MTBP: variants seen among roughly 807,000 people sequenced by gnomAD.
MTBP encodes the protein mdm2-binding protein.
Under a neutral mutation model 117.0 loss-of-function variants are expected in MTBP, and 101 were observed. That is an observed-to-expected ratio of 0.86 (90% confidence interval 0.73 to 1.02). The LOEUF is 1.02. MTBP is among the 50% of genes least tolerant of loss of function. The pLI, the probability that MTBP is intolerant of heterozygous loss-of-function variation, is 0.00. For synonymous variants in MTBP, 350 were observed against 351.5 expected, an observed-to-expected ratio of 1.00 and a Z score of 0.05; for missense variants, 970 against 1,030.9, an observed-to-expected ratio of 0.94 and a Z score of 0.81.
At position 120,470,857 on chromosome 8, in the gene MTBP, AC is replaced by A; in HGVS notation, c.1086del (p.Asn362LysfsTer3). 1 of 1,612,218 alleles carries A rather than the reference AC, an allele frequency of 6.2e-7. No homozygotes were observed. On this transcript the variant is annotated frameshift_variant, in exon 11 of 22. Coordinates refer to ENST00000305949, the MANE Select transcript of MTBP (RefSeq NM_022045.5). LOFTEE classifies it high-confidence loss of function. ...TTTGTATTGCCATGTACCATTAGTA[AC>A]ATACTGATTCCACCTCCCAACCAAC... ...ALFVLPCTIS[N>X]ILIPPPNQLS...
intron 11 of MTBP, chr8:120,473,567 C>A (rs1296136743): frequency 6.6e-6 from 1 of 152,080 alleles, no homozygotes; most frequent in Non-Finnish European, 1.5e-5. Context: ...ACTGTGAAGG[C>A]AAAATGGAAG....
In MTBP at chr8:120,506,762, G is replaced by T. The variant is rs141739990; in HGVS notation, c.1784G>T (p.Arg595Leu). The T allele has an allele frequency of 6.2e-7, 1 of 1,613,136 alleles. No homozygotes were observed. The highest frequency in any genetic ancestry group is 8.5e-7 in the Non-Finnish European group (1 of 1,179,532). Residue 595 changes from arginine to leucine, a missense_variant, in exon 16 of 22, where the codon CGG becomes CTG. Arg to Leu is a moderately radical substitution (Grantham distance 102). Transcript: ENST00000305949. ...TTGCTGGGCCACAAAGAGGGTCCTC[G>T]GGACTCAATCACATTGTTGGATGCT... ...EQLLGHKEGP[R>L]DSITLLDAKE...
At chr8:120,460,895 G>C (rs995173805) in intron 8 of MTBP, among the ~76,000 whole-genome samples, 5 of 152,042 alleles carry the variant, frequency 3.3e-5, no homozygotes, top group Admixed American at 2.6e-4. Flanking sequence ...CTTGTCCTCT[G>C]TTGCTTACCT....
intron 17 of MTBP, among the ~76,000 whole-genome samples, chr8:120,511,881 A>T (rs1473603066): frequency 6.6e-6 from 1 of 152,046 alleles, no homozygotes; most frequent in Non-Finnish European, 1.5e-5. Context: ...AAATACCCTT[A>T]TGTCAATATT....
Position 120,483,256 on chromosome 8 carries a change from A to G in MTBP, c.1166-4903A>G, listed in dbSNP as rs1814133461. Among the ~76,000 whole-genome samples the G allele has an allele frequency of 2.0e-5, 3 of 151,982 alleles. No homozygotes were observed. In the South Asian group the frequency reaches 6.2e-4, roughly 32 times the overall value. On this transcript the variant is annotated intron_variant, in intron 11 of 21. Coordinates refer to ENST00000305949, the MANE Select transcript of MTBP (RefSeq NM_022045.5). Reference sequence around the variant, plus strand: ...GGGCTGTTTCAAAAGTTGAGTCTAGAATTAAACAGTGATCTCATTGTTGAA... The same window carrying G: ...GGGCTGTTTCAAAAGTTGAGTCTAGGATTAAACAGTGATCTCATTGTTGAA...
At chr8:120,453,545 T>C (rs969690910) in intron 4 of MTBP, among the ~76,000 whole-genome samples, 8 of 152,180 alleles carry the variant, frequency 5.3e-5, no homozygotes, top group African/African-American at 1.9e-4. Context: ...CTAGTTATAA[T>C]TTAGGGAGTT....
At chr8:120,476,295 T>C (rs889397184) in intron 11 of MTBP, among the ~76,000 whole-genome samples, 1 of 152,086 alleles carries the variant, frequency 6.6e-6, no homozygotes, top group Non-Finnish European at 1.5e-5. Flanking sequence ...CCGTAGCCAA[T>C]ATCATACTGA....
intron 11 of MTBP, among the ~76,000 whole-genome samples, chr8:120,487,933 T>A (rs1814252916): frequency 6.6e-6 from 1 of 152,232 alleles, no homozygotes; most frequent in Admixed American, 6.5e-5. Flanking sequence ...AAAGAATGAG[T>A]ACACATACTT....
chr8:120,490,692 A>G, intron 13 of MTBP, 122 bp downstream of exon 13: 1 of 597,668 alleles, frequency 1.7e-6, no homozygotes. Flanking sequence ...ACTTAATTAT[A>G]GAACTATTTT....
At chr8:120,481,067 A>G (rs186730596) in intron 11 of MTBP, among the ~76,000 whole-genome samples, 14 of 152,342 alleles carry the variant, frequency 9.2e-5, no homozygotes, top group African/African-American at 2.9e-4. Context: ...AATAACTAGT[A>G]AACTCCACGA....
At chr8:120,478,487 T>G (rs1404674621) in intron 11 of MTBP, among the ~76,000 whole-genome samples, 3 of 152,226 alleles carry the variant, frequency 2.0e-5, no homozygotes, top group Non-Finnish European at 4.4e-5. Flanking sequence ...TAATAGTATC[T>G]GACAATTTTA....
chr8:120,478,636 A>G (rs1814000248), intron 11 of MTBP, among the ~76,000 whole-genome samples: 1 of 152,218 alleles, frequency 6.6e-6, no homozygotes. Flanking sequence ...TTGACTAACA[A>G]TTCTTCTAAT....
intron 6 of MTBP, 101 bp downstream of exon 6, chr8:120,455,680 T>C: frequency 8.7e-7 from 1 of 1,143,076 alleles, no homozygotes; most frequent in Admixed American, 2.2e-5. Context: ...ATTATTTTAA[T>C]ATGACAACAT....
chr8:120,478,122 A>G (rs1348434444), intron 11 of MTBP, among the ~76,000 whole-genome samples: 1 of 152,200 alleles, frequency 6.6e-6, no homozygotes, highest in Non-Finnish European at 1.5e-5. Context: ...ATGAAGCTGG[A>G]AACCGTCATT....
At chr8:120,486,827 T>G (rs1814229825) in intron 11 of MTBP, among the ~76,000 whole-genome samples, 1 of 152,192 alleles carries the variant, frequency 6.6e-6, no homozygotes, top group South Asian at 2.1e-4. Context: ...ACTCAATGGA[T>G]AGAAGCTCCA....
chr8:120,467,532 G>C (rs543177024), intron 10 of MTBP, among the ~76,000 whole-genome samples: 6 of 152,298 alleles, frequency 3.9e-5, no homozygotes, highest in African/African-American at 1.4e-4. Flanking sequence ...CTTGAACCAG[G>C]GAGGCAGAGG....
chr8:120,461,161 G>GT lies in MTBP; in HGVS notation c.887dup (p.His297ProfsTer27), dbSNP rs1327362438. On this transcript the variant is annotated frameshift_variant and splice_region_variant, in exon 9 of 22. Transcript: ENST00000305949. LOFTEE classifies it high-confidence loss of function. ...TACACAATTTTAATTTCTTTTCTAG[G>GT]TTTTCCATTATTATGGCCCTGCTTT... 2 of 1,565,678 alleles carry GT rather than the reference G, an allele frequency of 1.3e-6. No individual in the cohort carries two copies. Among genetic ancestry groups the GT allele is most frequent in the Non-Finnish European group, 1.8e-6 (2 of 1,139,278 alleles).
chr8:120,518,711 A>G lies in MTBP; in HGVS notation c.2504A>G (p.Lys835Arg), dbSNP rs1814964138. Residue 835 changes from lysine (K) to arginine (R), a missense_variant, in exon 20 of 22, where the codon AAA becomes AGA. Lys to Arg is a conservative substitution (Grantham distance 26). Transcript: ENST00000305949. ...SRSQKHTRIL[K>R]EVVTETLKKH... ...TGTTATGTTCTGTTCAAGATACTGA[A>G]AGAAGTAGTTACTGAAACCCTGAAG... is the stretch of plus-strand genomic sequence containing the variant. The G allele has an allele frequency of 1.2e-6, 2 of 1,602,780 alleles. No individual in the cohort carries two copies. Among genetic ancestry groups the G allele is most frequent in the East Asian group, 4.5e-5 (2 of 44,742 alleles).
At chr8:120,507,688 A>T (rs571880620) in intron 16 of MTBP, among the ~76,000 whole-genome samples, 1 of 152,250 alleles carries the variant, frequency 6.6e-6, no homozygotes, top group African/African-American at 2.4e-5. Flanking sequence ...TTGCTGGAAC[A>T]TTATTGCTTT....
Sources: gnomAD v4.1 joint callset for allele counts (sites outside exome capture counted in the v4.1 genomes callset) on GRCh38, gnomAD v4.1.1 for gene constraint, MANE v1.5 for transcripts, NCBI Gene and HGNC (gene_info 2026-07-23, HGNC 2026-07-21) for gene names.